Variants in FRMPD4 observed in about 807,000 individuals in gnomAD.
FRMPD4 encodes FERM and PDZ domain-containing protein 4.
FRMPD4 carries 22 observed loss-of-function variants against 94.1 expected under a neutral mutation model. The observed-to-expected ratio is 0.23, with a 90% CI of 0.17 to 0.33. FRMPD4 has a LOEUF of 0.33. Among genes scored for constraint, FRMPD4 ranks in the 10% least tolerant of loss-of-function variants. The probability of loss-of-function intolerance (pLI) is 1.00; values close to 1 mark genes in which losing one functional copy is unlikely to be tolerated. For missense variants in FRMPD4, 1,111 were observed against 1,339.9 expected, an observed-to-expected ratio of 0.83 and a Z score of 2.67; for synonymous variants, 631 against 548.6, an observed-to-expected ratio of 1.15 and a Z score of -2.10.
chrX:12,180,558 T>C (rs913044141), intron 1 of FRMPD4, among the ~76,000 whole-genome samples: 7 of 112,133 alleles, frequency 6.2e-5, no homozygotes, highest in Admixed American at 2.8e-4. Flanking sequence ...AGGTTACATA[T>C]TGATAAAATT....
intron 2 of FRMPD4, among the ~76,000 whole-genome samples, chrX:12,526,977 A>T (rs1550287): frequency 0.25 from 26,511 of 107,474 alleles, 2,427 homozygotes; most frequent in African/African-American, 0.3. Context: ...TTACAAGTTT[A>T]AAAAAAAAAG....
At chrX:12,096,727 T>C (rs996513873) in intron 3 of FRMPD4, among the ~76,000 whole-genome samples, 1 of 111,060 alleles carries the variant, frequency 9.0e-6, no homozygotes, top group Non-Finnish European at 1.9e-5. Context: ...TCTCAAAAAA[T>C]TTTTTAACAA....
Position 11,976,325 on chromosome X carries a change from A to C in FRMPD4, c.95+98307A>C, listed in dbSNP as rs557425700. On this transcript the variant is annotated intron_variant, in intron 3 of 18. Transcript: ENST00000640291. ...GTAAGGAAATAAAAAAATTGGGCTT[A>C]CTGGCCTCTTGATAGTGATGAGTAT... 5.3e-5 allele frequency among the ~76,000 whole-genome samples: 6 copies of C among 112,452 alleles called. No individual in the cohort carries two copies. The South Asian group carries it at 2.2e-3, about 42-fold the overall frequency.
At position 11,884,439 on chromosome X, in the gene FRMPD4, C is replaced by G. The variant is rs190689314; in HGVS notation, c.95+6421C>G. On this transcript the variant is annotated intron_variant, in intron 3 of 18. Coordinates refer to the FRMPD4 transcript ENST00000640291. ...GAAGAAGGAGGAGGAATTTACATGT[C>G]CTTATTCTCAGTGCCATACTGCGCA... 2.0e-4 allele frequency among the ~76,000 whole-genome samples: 22 copies of G among 111,737 alleles called. No individual in the cohort carries two copies. The Admixed American group carries it at 2.0e-3, about 10-fold the overall frequency.
rs779735791 is a variant in FRMPD4, at chrX:12,006,154, T to C, written c.95+128136T>C. 8.9e-5 allele frequency among the ~76,000 whole-genome samples: 10 copies of C among 112,009 alleles called. No individual in the cohort carries two copies. In the East Asian group the frequency reaches 2.8e-3, roughly 31 times the overall value. The stretch of plus-strand genomic sequence containing the variant: ...ATCAGCTTGATCTTTCACATCTTAT[T>C]AGAAAAGCTCCTGCCTCTTTTGATT... On this transcript the variant is annotated intron_variant, in intron 3 of 18. Coordinates refer to the FRMPD4 transcript ENST00000640291.
chrX:12,629,147 C>T lies in FRMPD4; in HGVS notation c.422+14266C>T, dbSNP rs147016615. On this transcript the variant is annotated intron_variant, in intron 4 of 16. Coordinates refer to ENST00000675598, the MANE Select transcript of FRMPD4 (RefSeq NM_001368397.1). ...GCTACAGTTCAAGATGAAATTTGGG[C>T]GGGGACACAGCCAAACCATATCAGC... 3.6e-3 allele frequency among the ~76,000 whole-genome samples: 403 copies of T among 112,217 alleles called. 2 individuals carry two copies. Among genetic ancestry groups the T allele is most frequent in the Admixed American group, 0.029 (309 of 10,590 alleles).
intron 3 of FRMPD4, among the ~76,000 whole-genome samples, chrX:11,903,672 A>T (rs749534501): frequency 1.8e-5 from 2 of 112,542 alleles, no homozygotes; most frequent in South Asian, 7.3e-4. Flanking sequence ...AATTCCATAG[A>T]AATTTCTCAT....
chrX:12,041,548 A>G (rs1293838984), intron 3 of FRMPD4, among the ~76,000 whole-genome samples: 2 of 109,999 alleles, frequency 1.8e-5, no homozygotes, highest in Non-Finnish European at 3.8e-5. Context: ...CGTGTATATC[A>G]TGAGTCATTT....
At chrX:12,169,873 G>A (rs949014612) in intron 1 of FRMPD4, among the ~76,000 whole-genome samples, 1 of 112,106 alleles carries the variant, frequency 8.9e-6, no homozygotes, top group African/African-American at 3.2e-5. Context: ...TTCAGTGGAT[G>A]CAAACACAAA....
At chrX:12,022,803 C>G (rs902028996) in intron 3 of FRMPD4, among the ~76,000 whole-genome samples, 2 of 111,124 alleles carry the variant, frequency 1.8e-5, no homozygotes, top group African/African-American at 3.3e-5. Flanking sequence ...AAACCAGAGT[C>G]AAGAAGGAGC....
intron 4 of FRMPD4, among the ~76,000 whole-genome samples, chrX:12,638,008 C>A (rs2059458305): frequency 8.9e-6 from 1 of 111,884 alleles, no homozygotes; most frequent in Non-Finnish European, 1.9e-5. Context: ...ATTTCCTCCC[C>A]CATAGATAAC....
At chrX:12,413,670 C>G (rs1451955098) in intron 1 of FRMPD4, among the ~76,000 whole-genome samples, 1 of 111,721 alleles carries the variant, frequency 9.0e-6, no homozygotes, top group Admixed American at 9.5e-5. Flanking sequence ...TTTTCTAAAA[C>G]AAGAATGTCA....
intron 1 of FRMPD4, among the ~76,000 whole-genome samples, chrX:11,858,899 G>A (rs762345783): frequency 2.4e-4 from 27 of 111,972 alleles, no homozygotes; most frequent in Admixed American, 2.1e-3. Flanking sequence ...TGTAAATGAG[G>A]CTTCTTCCTC....
At chrX:11,979,791 A>T (rs759160723) in intron 3 of FRMPD4, among the ~76,000 whole-genome samples, 75 of 110,951 alleles carry the variant, frequency 6.8e-4, no homozygotes, top group African/African-American at 2.4e-3. Context: ...TATGTTGCTC[A>T]TGTCTACTTA....
At chrX:12,366,052 G>A (rs2056070754) in intron 1 of FRMPD4, among the ~76,000 whole-genome samples, 1 of 112,261 alleles carries the variant, frequency 8.9e-6, no homozygotes, top group Admixed American at 9.4e-5. Flanking sequence ...CCTTATGATA[G>A]GGGTTGGGAT....
chrX:12,081,340 C>G (rs1262421615), intron 3 of FRMPD4, among the ~76,000 whole-genome samples: 1 of 111,811 alleles, frequency 8.9e-6, no homozygotes, highest in Admixed American at 9.5e-5. Flanking sequence ...GGAGGGCTGC[C>G]AATATATTTA....
At chrX:12,325,734 A>AC (rs2055277203) in intron 1 of FRMPD4, among the ~76,000 whole-genome samples, 1 of 112,334 alleles carries the variant, frequency 8.9e-6, no homozygotes. Context: ...TAAAATGCAG[A>AC]CCCTCAGGCC....
intron 1 of FRMPD4, among the ~76,000 whole-genome samples, chrX:12,333,075 C>T (rs1490569142): frequency 9.0e-6 from 1 of 111,552 alleles, no homozygotes; most frequent in African/African-American, 3.3e-5. Flanking sequence ...AATAAATATA[C>T]CAAAAGTTTT....
At chrX:12,607,616 G>A (rs1363919212) in intron 2 of FRMPD4, among the ~76,000 whole-genome samples, 3 of 112,253 alleles carry the variant, frequency 2.7e-5, no homozygotes, top group Admixed American at 9.4e-5. Context: ...TGAGAAAAGC[G>A]TGACCTTGGC....
Sources: allele counts gnomAD v4.1 joint callset (sites outside exome capture counted in the v4.1 genomes callset), GRCh38; gene constraint gnomAD v4.1.1; transcripts MANE v1.5; gene names NCBI Gene and HGNC (gene_info 2026-07-23, HGNC 2026-07-21).